The following MGAM variants were observed in gnomAD, a reference collection of about 807,000 sequenced individuals.
The protein encoded by MGAM is alpha-1,4-glucosidase.
A neutral mutation model predicts 358.8 loss-of-function variants in MGAM; 253 were observed. The observed-to-expected ratio is 0.71, with a 90% CI of 0.64 to 0.78. The LOEUF is 0.78. MGAM is among the 30% of genes least tolerant of loss of function. The probability of loss-of-function intolerance (pLI) is 0.00; values close to 1 mark genes in which losing one functional copy is unlikely to be tolerated. For missense variants in MGAM, 3,080 were observed against 3,432.6 expected, an observed-to-expected ratio of 0.90 and a Z score of 2.57; for synonymous variants, 1,105 against 1,227.1, an observed-to-expected ratio of 0.90 and a Z score of 2.08.
intron 34 of MGAM, among the ~76,000 whole-genome samples, chr7:142,060,714 G>A (rs1812087530): frequency 1.3e-5 from 2 of 152,250 alleles, no homozygotes; most frequent in African/African-American, 2.4e-5. Flanking sequence ...TCCTAGCAGT[G>A]CCATCTTTTC....
Position 142,040,799 on chromosome 7 carries a change from A to C in MGAM, c.2451A>C (p.Gly817=). The part of the protein sequence containing the change: ...PGDKIGLHLR[G]GYIFPTQQPN... ...ACAAAATTGGACTTCACCTTCGAGGAGGCTACATCTTCCCCACACAGCAGC... is the reference window on the plus strand; with the variant it reads ...ACAAAATTGGACTTCACCTTCGAGGCGGCTACATCTTCCCCACACAGCAGC... Residue 817 remains glycine (G), a synonymous_variant, in exon 21 of 71, where the codon GGA becomes GGC. Coordinates refer to ENST00000475668, the MANE Select transcript of MGAM (RefSeq NM_001365693.1). 1 of 1,613,242 alleles carries C rather than the reference A, an allele frequency of 6.2e-7. No individual in the cohort carries two copies. Among genetic ancestry groups the C allele is most frequent in the East Asian group, 2.2e-5 (1 of 44,832 alleles).
chr7:142,040,346 A>G lies in MGAM; in HGVS notation c.2373+175A>G, dbSNP rs117964015. The G allele has an allele frequency of 5.8e-3, 3,532 of 613,560 alleles. 21 individuals are homozygous for G. The highest frequency in any genetic ancestry group is 7.6e-3 in the Non-Finnish European group (2,651 of 347,276). The allele number at this position is 613,560 out of a possible 1,614,324, so 38.0% of individuals were successfully genotyped here. ...TTAACCTAAACCGTTAACATCAGTCATGATGAAATGTGAAAAAATACCTTC... is the reference window on the plus strand; with the variant it reads ...TTAACCTAAACCGTTAACATCAGTCGTGATGAAATGTGAAAAAATACCTTC... On this transcript the variant is annotated intron_variant, in intron 20 of 70. Coordinates refer to ENST00000475668, the MANE Select transcript of MGAM (RefSeq NM_001365693.1).
At chr7:142,037,082 A>T (rs1405524608) in intron 18 of MGAM, 105 bp downstream of exon 18, 1 of 1,163,768 alleles carries the variant, frequency 8.6e-7, no homozygotes, top group African/African-American at 1.6e-5. Flanking sequence ...GCAGTTATTC[A>T]TATCTATCTG....
intron 54 of MGAM, 147 bp from the exon 55 acceptor site, chr7:142,085,686 C>T: frequency 8.7e-7 from 1 of 1,153,244 alleles, no homozygotes. Context: ...TTTCCCAGCA[C>T]CTGTACCTAA....
chr7:142,010,186 C>G (rs558184507), intron 3 of MGAM, among the ~76,000 whole-genome samples: 1 of 152,178 alleles, frequency 6.6e-6, no homozygotes, highest in South Asian at 2.1e-4. Context: ...TTGGGAGACT[C>G]TTCTTTGGAG....
chr7:142,003,347 C>G (rs1390751030), intron 1 of MGAM, among the ~76,000 whole-genome samples: 1 of 151,970 alleles, frequency 6.6e-6, no homozygotes, highest in Non-Finnish European at 1.5e-5. Flanking sequence ...ATGCAAACAG[C>G]ACAGTACTGG....
At chr7:142,005,388 T>C in intron 1 of MGAM, 141 bp from the exon 2 acceptor site, 1 of 590,870 alleles carries the variant, frequency 1.7e-6, no homozygotes, top group Non-Finnish European at 2.8e-6. Context: ...CATGAGCTGA[T>C]AATTTTTTAA....
In MGAM at chr7:142,078,208, T is replaced by C; in HGVS notation, c.5494-110T>C. The C allele has an allele frequency of 2.2e-6, 2 of 905,144 alleles. 1 individual carries two copies. Among genetic ancestry groups the C allele is most frequent in the Non-Finnish European group, 3.2e-6 (2 of 627,616 alleles). 56.1% of individuals were successfully genotyped at this position (905,144 alleles called of 1,614,324 possible). On this transcript the variant is annotated intron_variant, in intron 47 of 70. Transcript: ENST00000475668. ...TATGTTGCTTGGATGGTTGAAAGTC[T>C]GGACTGATGTCTATTTGTTTTTCCA... is the stretch of plus-strand genomic sequence containing the variant.
rs1478273491 is a variant in MGAM at position 142,086,395 on chromosome 7, G to A, written c.6747+67G>A. 12 of 1,261,304 alleles carry A rather than the reference G, an allele frequency of 9.5e-6. 2 individuals carry two copies. Among genetic ancestry groups the A allele is most frequent in the African/African-American group, 2.9e-5 (2 of 68,524 alleles). 78.1% of individuals were successfully genotyped at this position (1,261,304 alleles called of 1,614,324 possible). ...GTGGGTCACTGTTAGAGGGTCACACGCCTGTGTATGTTATTTTTGGCCTTT... is the reference window on the plus strand; with the variant it reads ...GTGGGTCACTGTTAGAGGGTCACACACCTGTGTATGTTATTTTTGGCCTTT... On this transcript the variant is annotated intron_variant, in intron 56 of 70. Transcript: ENST00000475668.
intron 20 of MGAM, 109 bp downstream of exon 20, chr7:142,040,280 T>G (rs149233554): frequency 2.3e-6 from 2 of 862,738 alleles, no homozygotes; most frequent in African/African-American, 3.4e-5. Context: ...AGGAGTAGTT[T>G]TTAGTGTTTT....
chr7:142,057,305 ATAG>A (rs763334156), intron 30 of MGAM, among the ~76,000 whole-genome samples: 32 of 150,582 alleles, frequency 2.1e-4, no homozygotes, highest in Non-Finnish European at 3.5e-4. Context: ...GATGGTGATG[ATAG>A]TGGTGGGGGT....
intron 55 of MGAM, 120 bp from the exon 56 acceptor site, chr7:142,086,098 C>T: frequency 1.4e-6 from 2 of 1,440,088 alleles, no homozygotes; most frequent in Middle Eastern, 3.6e-4. Context: ...CCTGGACTCA[C>T]AGAAACTCTA....
intron 57 of MGAM, among the ~76,000 whole-genome samples, chr7:142,087,730 C>T (rs1043155448): frequency 1.6e-4 from 24 of 146,452 alleles, no homozygotes; most frequent in African/African-American, 5.6e-4. Flanking sequence ...CTTGTGCAGT[C>T]AGCAATGCGG....
At position 142,050,089 on chromosome 7, in the gene MGAM, A is replaced by T. The variant is rs1810792681; in HGVS notation, c.2588-146A>T. 2.9e-5 allele frequency: 21 copies of T among 717,712 alleles called. No individual in the cohort carries two copies. The East Asian group carries it at 5.2e-4, about 18-fold the overall frequency. The allele number at this position is 717,712 out of a possible 1,614,324, so 44.5% of individuals were successfully genotyped here. A position where few individuals can be genotyped will look rare whatever the true frequency, so the allele number is the denominator to read the frequency against. ...GAATGAATAAAGAAATGTGATACAC[A>T]TATACAATTGAAAATTATTCATCCA... On this transcript the variant is annotated intron_variant, in intron 22 of 70. Coordinates refer to ENST00000475668, the MANE Select transcript of MGAM (RefSeq NM_001365693.1).
chr7:142,085,386 A>G (rs1814655671), intron 54 of MGAM, among the ~76,000 whole-genome samples: 1 of 146,364 alleles, frequency 6.8e-6, no homozygotes, highest in South Asian at 2.2e-4. Context: ...AAGCAACTGT[A>G]CATTGTTGCT....
At position 142,078,403 on chromosome 7, in the gene MGAM, T is replaced by C; in HGVS notation, c.5579T>C (p.Ile1860Thr). The C allele has an allele frequency of 6.5e-7, 1 of 1,536,018 alleles. No individual in the cohort carries two copies. Among genetic ancestry groups the C allele is most frequent in the Non-Finnish European group, 8.9e-7 (1 of 1,121,504 alleles). Residue 1860 changes from isoleucine (I) to threonine (T), a missense_variant, in exon 48 of 71, where the codon ATA becomes ACA. This residue lies in a region of MGAM where 932 missense variants were observed against 1,198.2 expected (regional missense o/e 0.78). Transcript: ENST00000475668. ...ATAAAGATAAGGGATGAAGAAAAAA[T>C]AGACTGTTACCCTGATGAGAATGGT... ...WSIKIRDEEKIDCYPDENGDS... is the reference protein window; with the variant it reads ...WSIKIRDEEKTDCYPDENGDS...
intron 33 of MGAM, 117 bp downstream of exon 33, chr7:142,060,083 C>G: frequency 7.6e-7 from 1 of 1,307,514 alleles, no homozygotes. Flanking sequence ...TCTATTTGGG[C>G]TCTGAGGTCA....
chr7:142,046,827 C>T (rs939190584), intron 21 of MGAM, among the ~76,000 whole-genome samples: 2 of 152,014 alleles, frequency 1.3e-5, no homozygotes, highest in African/African-American at 4.8e-5. Context: ...AATATCCTAA[C>T]TTTTGTGTTG....
chr7:142,016,903 A>G (rs1278823933), intron 3 of MGAM, among the ~76,000 whole-genome samples: 1 of 152,088 alleles, frequency 6.6e-6, no homozygotes, highest in Non-Finnish European at 1.5e-5. Flanking sequence ...CTTTTTACAT[A>G]TTTGTTTTCC....
Sources: allele counts gnomAD v4.1 joint callset (sites outside exome capture counted in the v4.1 genomes callset), GRCh38; gene constraint gnomAD v4.1.1; regional missense constraint gnomAD v4.1.1; transcripts MANE v1.5; gene names NCBI Gene and HGNC (gene_info 2026-07-23, HGNC 2026-07-21).